Variants in NBAS observed in about 807,000 individuals in gnomAD.
NBAS encodes NBAS subunit of NRZ tethering complex, also known as NAG/BC035112 fusion.
NBAS carries 219 observed loss-of-function variants against 302.5 expected under a neutral mutation model. That is an observed-to-expected ratio of 0.72 (90% CI 0.65 to 0.81). The LOEUF (loss-of-function observed/expected upper bound fraction) is 0.81, where lower values mean the gene tolerates loss of function less well. NBAS is among the 30% of genes least tolerant of loss of function. The probability of loss-of-function intolerance (pLI) is 0.00; values close to 1 mark genes in which losing one functional copy is unlikely to be tolerated. For missense variants in NBAS, 2,932 were observed against 2,841.6 expected (o/e 1.03, Z -0.72); for synonymous variants, 1,118 against 1,021.6 (o/e 1.09, Z -1.80).
chr2:14,967,228 C>T, the NBAS span, among the ~76,000 whole-genome samples: 1 of 152,088 alleles, frequency 6.6e-6, no homozygotes, highest in Non-Finnish European at 1.5e-5. Flanking sequence ...CTTCCCCAAA[C>T]TGATATATAG....
intron 21 of NBAS, among the ~76,000 whole-genome samples, chr2:15,458,064 A>G (rs987715233): frequency 6.6e-6 from 1 of 152,182 alleles, no homozygotes; most frequent in African/African-American, 2.4e-5. Flanking sequence ...TACTCACTAT[A>G]CAAGCGCCGC....
rs754074985 is a variant in NBAS, at chr2:15,330,604, G to A, written c.4341C>T (p.Pro1447=). ...AGAAAGATGCACTGCTTACCTGAAG[G>A]GGTCGAAGGTAAGTTAAAGACTTCT... ...WWKKSLTYLR[P]LQGQKCGGAY... is the part of the protein sequence containing the mutation. Residue 1447 remains proline (P), a synonymous_variant, in exon 36 of 52, where the codon CCC becomes CCT. Coordinates refer to ENST00000281513, the MANE Select transcript of NBAS (RefSeq NM_015909.4). The A allele has an allele frequency of 3.1e-6, 5 of 1,613,626 alleles. No homozygotes were observed. The highest frequency in any genetic ancestry group is 4.2e-6 in the Non-Finnish European group (5 of 1,179,794).
chr2:14,788,185 G>T, the NBAS span, among the ~76,000 whole-genome samples: 28 of 152,182 alleles, frequency 1.8e-4, no homozygotes, highest in Middle Eastern at 3.4e-3. Context: ...GCTCCTTTAA[G>T]CACTTCTCTG....
chr2:14,809,976 T>C, the NBAS span, among the ~76,000 whole-genome samples: 3 of 152,250 alleles, frequency 2.0e-5, no homozygotes, highest in Admixed American at 6.5e-5. Context: ...TGGACTTGCA[T>C]GGGGCTTGCA....
the NBAS span, among the ~76,000 whole-genome samples, chr2:14,871,939 G>C: frequency 1.2e-4 from 18 of 152,070 alleles, no homozygotes; most frequent in African/African-American, 3.9e-4. Context: ...TTTGTAGACA[G>C]AGATTGTCAA....
chr2:15,037,477 A>G, the NBAS span, among the ~76,000 whole-genome samples: 1 of 152,230 alleles, frequency 6.6e-6, no homozygotes, highest in Admixed American at 6.5e-5. Context: ...ACAGTGTACA[A>G]AATTGCTCGC....
chr2:15,220,674 T>G (rs1666909690), intron 47 of NBAS, among the ~76,000 whole-genome samples: 1 of 152,182 alleles, frequency 6.6e-6, no homozygotes, highest in Non-Finnish European at 1.5e-5. Context: ...CCATAACTCT[T>G]AAGGGGTTAT....
chr2:14,853,984 A>C, the NBAS span, among the ~76,000 whole-genome samples: 1 of 143,658 alleles, frequency 7.0e-6, no homozygotes, highest in Non-Finnish European at 1.5e-5. Context: ...ATGACGAGTT[A>C]GTGGGTGCAG....
intron 28 of NBAS, chr2:15,393,828 A>C (rs1675731754): frequency 2.4e-6 from 1 of 420,196 alleles, no homozygotes; most frequent in Middle Eastern, 5.7e-4. Context: ...AATTATACTG[A>C]GTGAAAGCCA....
intron 25 of NBAS, among the ~76,000 whole-genome samples, chr2:15,413,318 A>C (rs1253751055): frequency 6.6e-6 from 1 of 152,194 alleles, no homozygotes; most frequent in Non-Finnish European, 1.5e-5. Flanking sequence ...GCACTGTGCA[A>C]TTCCCTGGTA....
chr2:15,008,317 G>A, the NBAS span, among the ~76,000 whole-genome samples: 1 of 152,200 alleles, frequency 6.6e-6, no homozygotes, highest in Non-Finnish European at 1.5e-5. Flanking sequence ...TGTGCTACAG[G>A]ATGCTACCAA....
At chr2:14,877,985 C>T in the NBAS span, among the ~76,000 whole-genome samples, 13 of 152,148 alleles carry the variant, frequency 8.5e-5, no homozygotes, top group African/African-American at 3.1e-4. Context: ...CTCCAAACCT[C>T]TCAAAAGCCT....
chr2:15,292,331 T>C (rs1402703144), intron 41 of NBAS, among the ~76,000 whole-genome samples: 1 of 152,190 alleles, frequency 6.6e-6, no homozygotes, highest in East Asian at 1.9e-4. Context: ...GGGAAACTTT[T>C]TTTAGCTGGG....
the NBAS span, among the ~76,000 whole-genome samples, chr2:15,106,221 T>G: frequency 1.1e-4 from 16 of 143,148 alleles, no homozygotes; most frequent in Admixed American, 1.3e-3. Flanking sequence ...GGAGAGCTTT[T>G]CAAAAGCTCA....
chr2:15,354,313 C>CTT (rs1321199744), intron 33 of NBAS, among the ~76,000 whole-genome samples: 1 of 152,292 alleles, frequency 6.6e-6, no homozygotes, highest in South Asian at 2.1e-4. Flanking sequence ...CAGCAGGGAT[C>CTT]TTTTTCCTAT....
At chr2:15,478,348 A>C in intron 12 of NBAS, 59 bp from the exon 13 acceptor site, 16 of 1,255,616 alleles carry the variant, frequency 1.3e-5, no homozygotes, top group Non-Finnish European at 1.9e-5. Context: ...TAAGAAAATC[A>C]TCAAGAACTG....
rs2148410077 is a variant in NBAS, at chr2:15,394,226, C to T, written c.3257+1G>A. On this transcript the variant is annotated splice_donor_variant, in intron 28 of 51. Transcript: ENST00000281513. LOFTEE classifies it high-confidence loss of function. ...AAGTATCAATTAATTTTATTACTCA[C>T]TTCCGGCCAGTGTGCCTCGTCAATC... The T allele has an allele frequency of 5.0e-6, 8 of 1,600,100 alleles. No homozygotes were observed. The highest frequency in any genetic ancestry group is 6.8e-6 in the Non-Finnish European group (8 of 1,171,342).
chr2:15,461,846 G>A (rs1369646914), intron 19 of NBAS, 55 bp from the exon 20 acceptor site: 9 of 968,040 alleles, frequency 9.3e-6, no homozygotes, highest in African/African-American at 3.3e-5. Context: ...AAATATGGGT[G>A]ACAAGAAAAT....
the NBAS span, among the ~76,000 whole-genome samples, chr2:15,049,327 C>A: frequency 2.6e-5 from 4 of 152,218 alleles, no homozygotes; most frequent in African/African-American, 9.6e-5. Context: ...CTCCCACATG[C>A]CACCACCTGC....
Sources: allele counts gnomAD v4.1 joint callset (sites outside exome capture counted in the v4.1 genomes callset), GRCh38; gene constraint gnomAD v4.1.1; transcripts MANE v1.5; gene names NCBI Gene and HGNC (gene_info 2026-07-23, HGNC 2026-07-21).